The following STIM2 variants were observed in gnomAD, a reference collection of about 807,000 sequenced individuals.
STIM2 encodes the protein stromal interaction molecule 2.
STIM2 carries 31 observed loss-of-function variants against 85.8 expected under a neutral mutation model. The observed-to-expected ratio is 0.36, with a 90% CI of 0.27 to 0.49. The LOEUF (loss-of-function observed/expected upper bound fraction) is 0.49. STIM2 is among the 20% of genes least tolerant of loss of function. The probability of loss-of-function intolerance (pLI) is 0.98; values close to 1 mark genes in which losing one functional copy is unlikely to be tolerated. For synonymous variants in STIM2, 356 were observed against 331.1 expected, an observed-to-expected ratio of 1.08 and a Z score of -0.82; for missense variants, 841 against 927.6, an observed-to-expected ratio of 0.91 and a Z score of 1.21.
chr4:26,949,280 T>C (rs1319441550), intron 2 of STIM2, among the ~76,000 whole-genome samples: 6 of 152,186 alleles, frequency 3.9e-5, no homozygotes, highest in African/African-American at 1.4e-4. Flanking sequence ...TCTGTATTCA[T>C]TCAAAATATT....
chr4:26,870,378 C>T (rs1307165155), intron 1 of STIM2, among the ~76,000 whole-genome samples: 1 of 151,202 alleles, frequency 6.6e-6, no homozygotes, highest in African/African-American at 2.4e-5. Context: ...ATAATGTATG[C>T]ATATATCAGA....
At chr4:26,913,868 T>C (rs973000201) in intron 1 of STIM2, among the ~76,000 whole-genome samples, 2 of 152,206 alleles carry the variant, frequency 1.3e-5, no homozygotes, top group African/African-American at 4.8e-5. Context: ...ACGGTTGCAT[T>C]ATGGCGGGAG....
At chr4:26,970,138 T>G (rs969953320) in intron 3 of STIM2, among the ~76,000 whole-genome samples, 1 of 149,674 alleles carries the variant, frequency 6.7e-6, no homozygotes, top group Non-Finnish European at 1.5e-5. Context: ...TGTAGTTAGA[T>G]TCTCATAGCT....
Position 27,007,419 on chromosome 4 carries a change from C to T in STIM2, c.982-114C>T, listed in dbSNP as rs905800928. ...ACTTTGCAGTTTAAAACGATGTTTACAAAGAGCATAATTAAAATAGCTTTT... is the reference window on the plus strand; with the variant it reads ...ACTTTGCAGTTTAAAACGATGTTTATAAAGAGCATAATTAAAATAGCTTTT... On this transcript the variant is annotated intron_variant, in intron 7 of 11. Coordinates refer to ENST00000467087, the MANE Select transcript of STIM2 (RefSeq NM_020860.4). The T allele has an allele frequency of 4.4e-6, 3 of 680,562 alleles. No homozygotes were observed. In the African/African-American group the frequency reaches 5.6e-5, roughly 13 times the overall value. 42.2% of individuals were successfully genotyped at this position (680,562 alleles called of 1,614,324 possible).
Position 26,999,241 on chromosome 4 carries a change from G to T in STIM2, c.519G>T (p.Val173=). 6.2e-7 allele frequency: 1 copy of T among 1,602,812 alleles called. No homozygotes were observed. Among genetic ancestry groups the T allele is most frequent in the Non-Finnish European group, 8.5e-7 (1 of 1,173,140 alleles). ...TTTTTCAAATAAACAGGATAGCAGT[G>T]CACGAACCTTCATTTATGATCTCCC... The change falls in exon 5 of 12, where the codon GTG becomes GTT. Residue 173 remains valine, a synonymous_variant. Coordinates refer to ENST00000467087, the MANE Select transcript of STIM2 (RefSeq NM_020860.4).
intron 10 of STIM2, among the ~76,000 whole-genome samples, chr4:27,014,081 C>T (rs979979612): frequency 2.0e-5 from 3 of 151,678 alleles, no homozygotes; most frequent in Admixed American, 6.6e-5. Context: ...TTTTTTTGTT[C>T]CTAATAATTA....
intron 2 of STIM2, among the ~76,000 whole-genome samples, chr4:26,940,403 G>A (rs1052595093): frequency 2.0e-5 from 3 of 152,152 alleles, no homozygotes; most frequent in Non-Finnish European, 2.9e-5. Context: ...TGTTTGGCCT[G>A]TGCAGATCTC....
In STIM2 at chr4:26,861,344, C is replaced by T. The variant is rs1722178782; in HGVS notation, c.126C>T (p.Ala42=). 1 of 1,372,368 alleles carries T rather than the reference C, an allele frequency of 7.3e-7. No homozygotes were observed. The highest frequency in any genetic ancestry group is 9.4e-7 in the Non-Finnish European group (1 of 1,068,602). The allele number at this position is 1,372,368 out of a possible 1,614,324, so 85.0% of individuals were successfully genotyped here. ...CCGCCTCCTCTCCCGCCGCGGCGGC[C>T]GGCGATAGCCCGGCGCTCATGACAG... The change falls in exon 1 of 12, where the codon GCC becomes GCT. Residue 42 remains alanine (A), a synonymous_variant. Transcript: ENST00000467087.
In STIM2 at chr4:27,022,805, C is replaced by T; in HGVS notation, c.2050C>T (p.Leu684Phe). Residue 684 changes from leucine (L) to phenylalanine (F), a missense_variant, in exon 12 of 12, where the codon CTT becomes TTT. Transcript: ENST00000467087. ...GGAGAAATCCTGTAGCATGAACCAG[C>T]TTTCCAGTGGCATCCCGGTGCCTAA... 5.0e-6 allele frequency: 8 copies of T among 1,614,206 alleles called. No homozygotes were observed. Among genetic ancestry groups the T allele is most frequent in the Non-Finnish European group, 6.8e-6 (8 of 1,180,044 alleles).
At chr4:26,970,016 T>A (rs563062666) in intron 3 of STIM2, among the ~76,000 whole-genome samples, 1 of 151,782 alleles carries the variant, frequency 6.6e-6, no homozygotes, top group East Asian at 1.9e-4. Flanking sequence ...TTTTTAAATA[T>A]AAAAGTAATC....
At position 27,025,334 on chromosome 4, in the gene STIM2, A is replaced by T. The variant is rs1167734348; in HGVS notation, c.*2338A>T. ...TATCCATTTGTTACTTTAACATTTT[A>T]AAATTATGGTGTTTTCCTGATTTTA... On this transcript the variant is annotated 3_prime_UTR_variant, in exon 12 of 12. Coordinates refer to ENST00000467087, the MANE Select transcript of STIM2 (RefSeq NM_020860.4). 1.3e-5 allele frequency: 2 copies of T among 151,682 alleles called. No individual in the cohort carries two copies. The highest frequency in any genetic ancestry group is 2.1e-4 in the South Asian group (1 of 4,804). The allele number at this position is 151,682 out of a possible 1,614,324, so 9.4% of individuals were successfully genotyped here.
intron 11 of STIM2, chr4:27,020,958 C>G (rs1258725293): frequency 6.6e-7 from 1 of 1,521,344 alleles, no homozygotes; most frequent in African/African-American, 1.4e-5. Flanking sequence ...TACCTTGACT[C>G]TCCCTTTCAT....
At chr4:26,869,442 A>G (rs1031220961) in intron 1 of STIM2, among the ~76,000 whole-genome samples, 3 of 152,170 alleles carry the variant, frequency 2.0e-5, no homozygotes, top group African/African-American at 7.2e-5. Context: ...AGAGTTTTAA[A>G]CATTATTTAG....
intron 10 of STIM2, among the ~76,000 whole-genome samples, chr4:27,009,654 A>C (rs1728495537): frequency 6.6e-6 from 1 of 152,234 alleles, no homozygotes; most frequent in African/African-American, 2.4e-5. Flanking sequence ...AGGCAGGAAG[A>C]GTGGACAGAT....
At chr4:27,007,051 A>C (rs1577493217) in intron 7 of STIM2, among the ~76,000 whole-genome samples, 4 of 152,250 alleles carry the variant, frequency 2.6e-5, no homozygotes, top group African/African-American at 9.6e-5. Context: ...GCTCTTCTGG[A>C]AACATTAGGA....
At chr4:26,951,701 T>C (rs907136720) in intron 2 of STIM2, among the ~76,000 whole-genome samples, 5 of 152,080 alleles carry the variant, frequency 3.3e-5, no homozygotes, top group African/African-American at 1.2e-4. Context: ...TTTTTTTCAT[T>C]TGTTAAATCT....
At chr4:26,928,243 C>G (rs962900362) in intron 2 of STIM2, among the ~76,000 whole-genome samples, 5 of 152,122 alleles carry the variant, frequency 3.3e-5, no homozygotes, top group Admixed American at 1.3e-4. Flanking sequence ...AACACTGCCA[C>G]AATGGCAAAT....
At chr4:26,953,291 A>G (rs1214058977) in intron 2 of STIM2, among the ~76,000 whole-genome samples, 1 of 152,206 alleles carries the variant, frequency 6.6e-6, no homozygotes, top group African/African-American at 2.4e-5. Context: ...TCATGTTTTA[A>G]ACTTTGACAT....
chr4:27,003,356 G>A lies in STIM2; in HGVS notation c.981+252G>A, dbSNP rs544774749. Among the ~76,000 whole-genome samples, 5 of 152,220 alleles carry A rather than the reference G, an allele frequency of 3.3e-5. No homozygotes were observed. The East Asian group carries it at 9.6e-4, about 29-fold the overall frequency. On this transcript the variant is annotated intron_variant, in intron 7 of 11. Transcript: ENST00000467087. Reference sequence around the variant, plus strand: ...TACCTTGCCATCTTCACTGTCTTGAGTAAATTTAAGGTGTTTGTTTAACAT... The same window carrying A: ...TACCTTGCCATCTTCACTGTCTTGAATAAATTTAAGGTGTTTGTTTAACAT...
Sources: allele counts gnomAD v4.1 joint callset (sites outside exome capture counted in the v4.1 genomes callset), GRCh38; gene constraint gnomAD v4.1.1; transcripts MANE v1.5; gene names NCBI Gene and HGNC (gene_info 2026-07-23, HGNC 2026-07-21).